SUPT16H: variants seen among roughly 807,000 people sequenced by gnomAD.
The protein encoded by SUPT16H is SPT16 homolog, facilitates chromatin remodeling subunit, also known as FACT complex subunit SPT16.
A neutral mutation model predicts 136.2 loss-of-function variants in SUPT16H; 24 were observed. The ratio of observed to expected loss-of-function variants is 0.18; its 90% CI spans 0.13 to 0.25. The LOEUF is 0.25. Among genes scored for constraint, SUPT16H ranks in the 10% least tolerant of loss-of-function variants. The pLI is 1.00. For synonymous variants in SUPT16H, 415 were observed against 428.2 expected, an observed-to-expected ratio of 0.97 and a Z score of 0.38; for missense variants, 623 against 1,270.2, an observed-to-expected ratio of 0.49 and a Z score of 7.74.
At position 21,353,806 on chromosome 14, in the gene SUPT16H, T is replaced by C. The variant is rs763384539; in HGVS notation, c.2817A>G (p.Ser939=). Residue 939 remains serine (S), a synonymous_variant, in exon 24 of 26, where the codon TCA becomes TCG. Coordinates refer to ENST00000216297, the MANE Select transcript of SUPT16H (RefSeq NM_007192.4). ...AAGTCTCATCTTCAATTTCAGACTC[T>C]GAATCCCCTTCTTCAGCATCACTCC... The part of the protein sequence containing the change: ...GEGSDAEEGD[S]ESEIEDETFN... The C allele has an allele frequency of 1.2e-6, 2 of 1,613,976 alleles. No homozygotes were observed. Among genetic ancestry groups the C allele is most frequent in the Non-Finnish European group, 1.7e-6 (2 of 1,179,966 alleles).
intron 8 of SUPT16H, 86 bp from the exon 9 acceptor site, chr14:21,365,229 T>G: frequency 8.0e-7 from 1 of 1,248,432 alleles, no homozygotes; most frequent in South Asian, 1.3e-5. Flanking sequence ...ACTTTCACAA[T>G]AAGACAGGCA....
At chr14:21,355,838 T>C (rs1182354122) in intron 22 of SUPT16H, among the ~76,000 whole-genome samples, 1 of 152,118 alleles carries the variant, frequency 6.6e-6, no homozygotes, top group Non-Finnish European at 1.5e-5. Flanking sequence ...TAAATCCACT[T>C]TAGACAATAT....
chr14:21,353,875 C>T (rs758300772), intron 23 of SUPT16H, 43 bp from the exon 24 acceptor site: 23 of 1,568,334 alleles, frequency 1.5e-5, no homozygotes, highest in Non-Finnish European at 2.0e-5. Flanking sequence ...TTGACATTTA[C>T]CTTATTAACT....
chr14:21,374,884 T>A (rs1886868385), intron 1 of SUPT16H, among the ~76,000 whole-genome samples: 1 of 152,248 alleles, frequency 6.6e-6, no homozygotes, highest in Admixed American at 6.5e-5. Flanking sequence ...TCAGACTGTT[T>A]GTCACCATGA....
intron 8 of SUPT16H, 120 bp from the exon 9 acceptor site, chr14:21,365,263 C>A: frequency 1.1e-6 from 1 of 879,362 alleles, no homozygotes; most frequent in Non-Finnish European, 1.8e-6. Context: ...TGATTTACCC[C>A]TGCTGACCGC....
At chr14:21,379,339 G>A (rs1320842404) in intron 1 of SUPT16H, among the ~76,000 whole-genome samples, 3 of 151,462 alleles carry the variant, frequency 2.0e-5, no homozygotes, top group African/African-American at 7.3e-5. Context: ...AGGAGGCTGA[G>A]ACACGAGAAT....
chr14:21,355,513 T>TAAAAAAAAAAAAAAAAAAAAAA (rs59639210), intron 22 of SUPT16H, among the ~76,000 whole-genome samples: 2 of 113,614 alleles, frequency 1.8e-5, no homozygotes, highest in Non-Finnish European at 3.6e-5. Flanking sequence ...ATAATAATAA[T>TAAAAAAAAAAAAAAAAAAAAAA]AAAAAAAAAA....
intron 18 of SUPT16H, 57 bp downstream of exon 18, chr14:21,360,358 G>A: frequency 1.5e-6 from 2 of 1,307,350 alleles, no homozygotes; most frequent in Non-Finnish European, 2.2e-6. Context: ...GAAAGAAGCT[G>A]AGTGAAATGA....
intron 22 of SUPT16H, among the ~76,000 whole-genome samples, chr14:21,356,617 G>A (rs1005297042): frequency 6.6e-6 from 1 of 152,182 alleles, no homozygotes; most frequent in Non-Finnish European, 1.5e-5. Context: ...GCACATGCCT[G>A]TAGTCCCAGC....
At chr14:21,380,291 AC>A (rs1436492911) in intron 1 of SUPT16H, among the ~76,000 whole-genome samples, 5 of 20,776 alleles carry the variant, frequency 2.4e-4, no homozygotes, top group Non-Finnish European at 8.1e-4. Flanking sequence ...CTGATGGAAG[AC>A]TGAATTTTTT....
chr14:21,361,040 T>C, intron 16 of SUPT16H, 38 bp downstream of exon 16: 1 of 1,611,170 alleles, frequency 6.2e-7, no homozygotes, highest in Non-Finnish European at 8.5e-7. Flanking sequence ...TACATGTCCT[T>C]CTTTGTGTAA....
rs899990852 is a variant in SUPT16H at position 21,354,661 on chromosome 14, C to T, written c.2661-121G>A. Reference sequence around the variant, plus strand: ...GGCTGGAGTGCAGTGGCACAATCTTCGCTCACTGCAACCTCTGCCTCCTAG... The same window carrying T: ...GGCTGGAGTGCAGTGGCACAATCTTTGCTCACTGCAACCTCTGCCTCCTAG... On this transcript the variant is annotated intron_variant, in intron 22 of 25. Transcript: ENST00000216297. 16 of 1,223,094 alleles carry T rather than the reference C, an allele frequency of 1.3e-5. 1 individual carries two copies. Among genetic ancestry groups the T allele is most frequent in the South Asian group, 7.6e-5 (5 of 66,046 alleles). 75.8% of individuals were successfully genotyped at this position (1,223,094 alleles called of 1,614,324 possible).
At chr14:21,359,337 C>G in intron 19 of SUPT16H, 147 bp downstream of exon 19, 3 of 1,075,998 alleles carry the variant, frequency 2.8e-6, no homozygotes, top group Non-Finnish European at 3.9e-6. Flanking sequence ...CTCAGGTGAT[C>G]TGCCCATGTT....
chr14:21,357,438 A>C (rs1429754348), intron 21 of SUPT16H, 72 bp from the exon 22 acceptor site: 1 of 1,413,908 alleles, frequency 7.1e-7, no homozygotes, highest in Admixed American at 2.6e-5. Flanking sequence ...AATAACTTTC[A>C]TGATCTAAAT....
rs60588939 is a variant in SUPT16H, at chr14:21,380,296, A to ATTTTTTTTTTTTTTT, written c.66+3551_66+3565dup. The stretch of plus-strand genomic sequence containing the variant: ...CTGACAGATACTGATGGAAGACTGA[A>ATTTTTTTTTTTTTTT]TTTTTTTTTTTTTTTTAAAGAAATG... On this transcript the variant is annotated intron_variant, in intron 1 of 25. Transcript: ENST00000216297. Among the ~76,000 whole-genome samples the ATTTTTTTTTTTTTTT allele has an allele frequency of 2.8e-4, 31 of 112,026 alleles. 1 individual carries two copies. Among genetic ancestry groups the ATTTTTTTTTTTTTTT allele is most frequent in the Admixed American group, 4.0e-4 (4 of 9,954 alleles). 73.5% of individuals were successfully genotyped at this position (112,026 alleles called of 152,430 possible). A position where few individuals can be genotyped will look rare whatever the true frequency, so the allele number is the denominator to read the frequency against.
At chr14:21,377,623 TTTTA>T (rs10616268) in intron 1 of SUPT16H, among the ~76,000 whole-genome samples, 121,796 of 149,620 alleles carry the variant, frequency 0.81, 50,750 homozygotes, top group South Asian at 0.91. Context: ...GTGGTGAGCT[TTTTA>T]TTTATTCTTT....
chr14:21,384,003 G>A lies in SUPT16H; in HGVS notation c.-76C>T. On this transcript the variant is annotated 5_prime_UTR_variant, in exon 1 of 26. Transcript: ENST00000216297. The stretch of plus-strand genomic sequence containing the variant: ...GCTCAGCCACCCGCTCTCGGCCCAG[G>A]AATCCCGCACTCTCCCAATGACCCG... 1 of 1,560,822 alleles carries A rather than the reference G, an allele frequency of 6.4e-7. No homozygotes were observed. The highest frequency in any genetic ancestry group is 1.7e-5 in the Admixed American group (1 of 59,714).
Position 21,358,362 on chromosome 14 carries a change from A to C in SUPT16H, c.2367T>G (p.Ala789=). The change falls in exon 20 of 26, where the codon GCT becomes GCG. Residue 789 remains alanine (A), a synonymous_variant. Transcript: ENST00000216297. ...CAAATTCCAGTTCCTCCTTAGTTAG[A>C]GCCTCTACTTTCTCAATGAAATTTT... The part of the protein sequence containing the change: ...AFKNFIEKVE[A]LTKEELEFEV... 1.2e-6 allele frequency: 2 copies of C among 1,613,980 alleles called. No homozygotes were observed. Among genetic ancestry groups the C allele is most frequent in the African/African-American group, 2.7e-5 (2 of 75,050 alleles).
At chr14:21,369,134 T>C in intron 6 of SUPT16H, 70 bp downstream of exon 6, 3 of 1,540,126 alleles carry the variant, frequency 1.9e-6, no homozygotes, top group East Asian at 2.3e-5. Context: ...CACAAATTTG[T>C]ACAGATTTAA....
Sources: gnomAD v4.1 joint callset for allele counts (sites outside exome capture counted in the v4.1 genomes callset) on GRCh38, gnomAD v4.1.1 for gene constraint, MANE v1.5 for transcripts, NCBI Gene and HGNC (gene_info 2026-07-23, HGNC 2026-07-21) for gene names.